The following OTOG variants were observed in gnomAD, a reference collection of about 807,000 sequenced individuals.
OTOG encodes the protein otogelin.
A neutral mutation model predicts 313.8 loss-of-function variants in OTOG; 296 were observed. That is an observed-to-expected ratio of 0.94 (90% CI 0.86 to 1.04). OTOG has a LOEUF of 1.04. Among genes scored for constraint, OTOG ranks in the 50% least tolerant of loss-of-function variants. OTOG has a pLI of 0.00. For synonymous variants in OTOG, 1,533 were observed against 1,554.9 expected (o/e 0.99, Z 0.33); for missense variants, 3,948 against 3,840.1 (o/e 1.03, Z -0.74).
intron 15 of OTOG, among the ~76,000 whole-genome samples, chr11:17,564,552 T>C (rs978841097): frequency 3.3e-5 from 5 of 152,198 alleles, no homozygotes; most frequent in Non-Finnish European, 7.3e-5. Flanking sequence ...ACTTGGCAAC[T>C]GACTGACTGT....
At chr11:17,641,721 C>T (rs1012018598) in intron 51 of OTOG, 126 bp from the exon 52 acceptor site, 17 of 635,840 alleles carry the variant, frequency 2.7e-5, no homozygotes, top group Non-Finnish European at 3.5e-5. Flanking sequence ...AGGCTGGGAG[C>T]GCCTCTTCTC....
intron 25 of OTOG, among the ~76,000 whole-genome samples, chr11:17,592,149 G>C (rs935984252): frequency 1.3e-5 from 2 of 152,144 alleles, no homozygotes; most frequent in African/African-American, 4.8e-5. Context: ...GGTGATGTGG[G>C]GGGCACAGTG....
At chr11:17,624,234 G>A (rs2134116106) in intron 39 of OTOG, among the ~76,000 whole-genome samples, 1 of 152,176 alleles carries the variant, frequency 6.6e-6, no homozygotes, top group South Asian at 2.1e-4. Flanking sequence ...TGCCGTTTCT[G>A]TGTCCAGAAT....
chr11:17,547,266 C>T lies in OTOG; in HGVS notation c.-107C>T, dbSNP rs1851827384. ...CTGAGGGAGCCCTGGGGCATGAGAACAAGAGGGACCTCGGCTGCGGAGTGG... is the reference window on the plus strand; with the variant it reads ...CTGAGGGAGCCCTGGGGCATGAGAATAAGAGGGACCTCGGCTGCGGAGTGG... On this transcript the variant is annotated 5_prime_UTR_variant, in exon 1 of 56. Transcript: ENST00000399397. The T allele has an allele frequency of 3.8e-5, 36 of 958,684 alleles. No individual in the cohort carries two copies. The highest frequency in any genetic ancestry group is 4.8e-5 in the Non-Finnish European group (35 of 730,424). 59.4% of individuals were successfully genotyped at this position (958,684 alleles called of 1,614,324 possible). A position where few individuals can be genotyped will look rare whatever the true frequency, so the allele number is the denominator to read the frequency against.
chr11:17,559,478 G>C lies in OTOG; in HGVS notation c.1214-56G>C, dbSNP rs1414830466. 5.8e-6 allele frequency: 9 copies of C among 1,548,564 alleles called. No individual in the cohort carries two copies. The East Asian group carries it at 2.2e-4, about 38-fold the overall frequency. ...ACTCCACGGCCTGGGGTAGGAGCTG[G>C]GTCCTGGCAGAGCTGGGGCCAGTAG... On this transcript the variant is annotated intron_variant, in intron 11 of 55. Coordinates refer to ENST00000399397, the MANE Select transcript of OTOG (RefSeq NM_001292063.2).
chr11:17,553,503 A>C lies in OTOG; in HGVS notation c.524A>C (p.Gln175Pro). 1 of 1,442,974 alleles carries C rather than the reference A, an allele frequency of 6.9e-7. No homozygotes were observed. The highest frequency in any genetic ancestry group is 9.1e-7 in the Non-Finnish European group (1 of 1,096,242). 89.4% of individuals were successfully genotyped at this position (1,442,974 alleles called of 1,614,324 possible). A position where few individuals can be genotyped will look rare whatever the true frequency, so the allele number is the denominator to read the frequency against. Residue 175 changes from glutamine (Q) to proline (P), a missense_variant, in exon 6 of 56, where the codon CAG becomes CCG. Gln to Pro is a moderately conservative substitution (Grantham distance 76). Transcript: ENST00000399397. ...GTGGGTCGCCATGAGCCCGAGGGACAGAGCTTCTCCATCCAGGTGAGGCCT... is the reference window on the plus strand; with the variant it reads ...GTGGGTCGCCATGAGCCCGAGGGACCGAGCTTCTCCATCCAGGTGAGGCCT... ...TLVGRHEPEG[Q>P]SFSIQVHNDP...
At chr11:17,592,994 A>G (rs967472471) in intron 25 of OTOG, among the ~76,000 whole-genome samples, 199 bp from the exon 26 acceptor site, 1 of 152,194 alleles carries the variant, frequency 6.6e-6, no homozygotes, top group Non-Finnish European at 1.5e-5. Flanking sequence ...GGGAGTCACT[A>G]CATGTTAAAC....
chr11:17,553,631 A>G (rs1193571651), intron 6 of OTOG, 112 bp downstream of exon 6: 5 of 1,047,754 alleles, frequency 4.8e-6, no homozygotes, highest in Non-Finnish European at 6.2e-6. Context: ...TCCTCCTTGC[A>G]TCGCCCCCCA....
In OTOG at chr11:17,547,346, C is replaced by G; in HGVS notation, c.-27C>G. The G allele has an allele frequency of 7.5e-7, 1 of 1,326,722 alleles. No individual in the cohort carries two copies. Among genetic ancestry groups the G allele is most frequent in the Non-Finnish European group, 9.6e-7 (1 of 1,042,838 alleles). The allele number at this position is 1,326,722 out of a possible 1,614,324, so 82.2% of individuals were successfully genotyped here. On this transcript the variant is annotated 5_prime_UTR_variant, in exon 1 of 56. Coordinates refer to ENST00000399397, the MANE Select transcript of OTOG (RefSeq NM_001292063.2). ...CACCTCGGGAGGCTGGCCCTGCGCT[C>G]AAGTCCTCCGGTCCCCTCGTGTCCC...
chr11:17,640,449 C>T (rs938740643), intron 49 of OTOG, among the ~76,000 whole-genome samples: 2 of 152,196 alleles, frequency 1.3e-5, no homozygotes, highest in African/African-American at 4.8e-5. Flanking sequence ...CTCACTCTGT[C>T]CCCCATTTCC....
At chr11:17,603,314 A>G (rs922164460) in intron 32 of OTOG, among the ~76,000 whole-genome samples, 4 of 152,122 alleles carry the variant, frequency 2.6e-5, no homozygotes, top group African/African-American at 9.7e-5. Flanking sequence ...TGATCCCCAG[A>G]TCCATGCATT....
intron 51 of OTOG, among the ~76,000 whole-genome samples, chr11:17,641,511 C>T (rs772482356): frequency 2.6e-5 from 4 of 152,054 alleles, no homozygotes; most frequent in Non-Finnish European, 4.4e-5. Flanking sequence ...TCCCATTTTT[C>T]AGAGGAGAAA....
In OTOG at chr11:17,559,175, A is replaced by T. The variant is rs143302987; in HGVS notation, c.1213+14A>T. Reference sequence around the variant, plus strand: ...TCCGGCAATGCAGTAGGTGCAGCCCAGTAGTGGGGCAGGGAGGCCTTCAGG... The same window carrying T: ...TCCGGCAATGCAGTAGGTGCAGCCCTGTAGTGGGGCAGGGAGGCCTTCAGG... On this transcript the variant is annotated intron_variant, in intron 11 of 55. Transcript: ENST00000399397. 34 of 1,526,168 alleles carry T rather than the reference A, an allele frequency of 2.2e-5. No homozygotes were observed. The highest frequency in any genetic ancestry group is 7.9e-6 in the Non-Finnish European group (9 of 1,138,896). The allele number at this position is 1,526,168 out of a possible 1,614,324, so 94.5% of individuals were successfully genotyped here. A position where few individuals can be genotyped will look rare whatever the true frequency, so the allele number is the denominator to read the frequency against.
Position 17,641,014 on chromosome 11 carries a change from A to G in OTOG, c.8113A>G (p.Thr2705Ala), listed in dbSNP as rs1290923915. 7.9e-6 allele frequency: 12 copies of G among 1,518,628 alleles called. No homozygotes were observed. Among genetic ancestry groups the G allele is most frequent in the Non-Finnish European group, 8.0e-6 (9 of 1,130,416 alleles). The allele number at this position is 1,518,628 out of a possible 1,614,324, so 94.1% of individuals were successfully genotyped here. ...ADGVCHTSRC[T>A]TVLDPLTNFY... ...TGGCGTGTGCCACACCTCCCGCTGC[A>G]CCACCGTGCTCGACCCTCTCACCAA... The change falls in exon 51 of 56, where the codon ACC becomes GCC. Residue 2705 changes from threonine (T) to alanine (A), a missense_variant. Transcript: ENST00000399397.
At chr11:17,558,379 G>A in intron 9 of OTOG, 64 bp downstream of exon 9, 6 of 1,538,256 alleles carry the variant, frequency 3.9e-6, no homozygotes, top group African/African-American at 1.4e-5. Context: ...CTCTTCGAAA[G>A]CCACTGGCTG....
At chr11:17,559,721 C>T (rs2134008193) in intron 12 of OTOG, 59 bp downstream of exon 12, 1 of 1,390,054 alleles carries the variant, frequency 7.2e-7, no homozygotes, top group Non-Finnish European at 9.6e-7. Flanking sequence ...CACAGATGGC[C>T]ACGAAACAGG....
At chr11:17,636,972 G>A (rs1323370485) in intron 47 of OTOG, among the ~76,000 whole-genome samples, 2 of 152,104 alleles carry the variant, frequency 1.3e-5, no homozygotes, top group Admixed American at 6.5e-5. Flanking sequence ...TATGCAGTAG[G>A]TGCTCCAAAA....
rs1338472372 is a variant in OTOG, at chr11:17,599,709, C to T, written c.3709+12C>T. The T allele has an allele frequency of 6.5e-7, 1 of 1,550,366 alleles. No individual in the cohort carries two copies. Among genetic ancestry groups the T allele is most frequent in the East Asian group, 2.4e-5 (1 of 40,922 alleles). On this transcript the variant is annotated intron_variant, in intron 31 of 55. Transcript: ENST00000399397. ...CTTCTTTAACAAAGGTAAGCCCCTCCTCCCCACGCAGAGTCTCAGGGGCTC... is the reference window on the plus strand; with the variant it reads ...CTTCTTTAACAAAGGTAAGCCCCTCTTCCCCACGCAGAGTCTCAGGGGCTC...
At chr11:17,575,885 G>A (rs529291080) in intron 20 of OTOG, among the ~76,000 whole-genome samples, 10 of 152,264 alleles carry the variant, frequency 6.6e-5, no homozygotes, top group African/African-American at 2.2e-4. Context: ...GAGTTTCGGC[G>A]TCCGGTCCAT....
Sources: gnomAD v4.1 joint callset for allele counts (sites outside exome capture counted in the v4.1 genomes callset) on GRCh38, gnomAD v4.1.1 for gene constraint, MANE v1.5 for transcripts, NCBI Gene and HGNC (gene_info 2026-07-23, HGNC 2026-07-21) for gene names.